ADGRA3: variants seen among roughly 807,000 people sequenced by gnomAD.
ADGRA3 encodes adhesion G protein-coupled receptor A3.
In ADGRA3, 56 loss-of-function variants were observed where a neutral mutation model predicts 119.8. The observed-to-expected ratio is 0.47, with a 90% confidence interval of 0.38 to 0.58. The LOEUF (loss-of-function observed/expected upper bound fraction) is 0.58, where lower values mean the gene tolerates loss of function less well. ADGRA3 is among the 20% of genes least tolerant of loss of function. ADGRA3 has a pLI of 0.00. For missense variants in ADGRA3, 1,516 were observed against 1,649.0 expected (o/e 0.92, Z 1.40); for synonymous variants, 607 against 623.8 (o/e 0.97, Z 0.40).
chr4:22,431,364 C>T (rs971403295), intron 10 of ADGRA3, among the ~76,000 whole-genome samples: 1 of 90,888 alleles, frequency 1.1e-5, no homozygotes, highest in Non-Finnish European at 2.6e-5. Context: ...CCTGTGAAAG[C>T]ACCTGGGAGG....
intron 16 of ADGRA3, among the ~76,000 whole-genome samples, chr4:22,396,014 G>C (rs544237017): frequency 1.3e-5 from 2 of 152,076 alleles, no homozygotes; most frequent in African/African-American, 2.4e-5. Flanking sequence ...GGAGCAACAA[G>C]GTATCTTAGA....
chr4:22,432,704 C>A (rs2109055617), intron 10 of ADGRA3, among the ~76,000 whole-genome samples: 1 of 152,196 alleles, frequency 6.6e-6, no homozygotes, highest in East Asian at 1.9e-4. Context: ...TGTTGCCTGA[C>A]AAGACAACCT....
rs1477032076 is a variant in ADGRA3 at position 22,497,394 on chromosome 4, C to A, written c.257+18134G>T. ...TCTCTGTTTCTGACATGACACCCTGCAGGTTCACCTGGTACTCAGAAATTC... is the reference window on the plus strand; with the variant it reads ...TCTCTGTTTCTGACATGACACCCTGAAGGTTCACCTGGTACTCAGAAATTC... On this transcript the variant is annotated intron_variant, in intron 1 of 18. Coordinates refer to ENST00000334304, the MANE Select transcript of ADGRA3 (RefSeq NM_145290.4). Among the ~76,000 whole-genome samples, 4 of 152,060 alleles carry A rather than the reference C, an allele frequency of 2.6e-5. No homozygotes were observed. In the East Asian group the frequency reaches 7.7e-4, roughly 29 times the overall value.
chr4:22,405,546 T>TA (rs371969552), intron 14 of ADGRA3, among the ~76,000 whole-genome samples: 13,423 of 125,324 alleles, frequency 0.11, 920 homozygotes, highest in African/African-American at 0.23. Context: ...CCCCTATTTC[T>TA]AAAAAAAAAA....
intron 12 of ADGRA3, chr4:22,420,564 CAAAT>C (rs1341049342): frequency 1.3e-5 from 5 of 399,272 alleles, no homozygotes; most frequent in Non-Finnish European, 2.2e-5. Context: ...AGCAAAAAAA[CAAAT>C]AAATAAACTT....
At chr4:22,402,918 A>C (rs2109009110) in intron 14 of ADGRA3, 119 bp from the exon 15 acceptor site, 1 of 927,028 alleles carries the variant, frequency 1.1e-6, no homozygotes, top group South Asian at 1.8e-5. Context: ...ATGTCTCTTT[A>C]TTTTATTCAG....
Position 22,413,585 on chromosome 4 carries a change from T to C in ADGRA3, c.2023+16A>G. ...ATTGTCCACTGACTACAGGATAACA[T>C]ATGCCACATACAAACCTATTTTGGT... On this transcript the variant is annotated intron_variant, in intron 13 of 18. Coordinates refer to ENST00000334304, the MANE Select transcript of ADGRA3 (RefSeq NM_145290.4). 7.5e-6 allele frequency: 12 copies of C among 1,604,628 alleles called. No homozygotes were observed. The highest frequency in any genetic ancestry group is 1.0e-5 in the Non-Finnish European group (12 of 1,171,534).
intron 6 of ADGRA3, chr4:22,443,064 C>G (rs1364431695): frequency 2.9e-6 from 2 of 683,780 alleles, no homozygotes; most frequent in Non-Finnish European, 5.3e-6. Flanking sequence ...GAAACAATTT[C>G]ATAACCAGTT....
chr4:22,515,643 GC>G lies in ADGRA3; in HGVS notation c.141del (p.Arg48GlyfsTer39). On this transcript the variant is annotated frameshift_variant, in exon 1 of 19. Transcript: ENST00000334304. LOFTEE classifies it high-confidence loss of function. ...AALPAGCKHD[G>X]RPRGAGRAAG... The stretch of plus-strand genomic sequence containing the variant: ...GCCGCCCTGCCAGCCCCTCGGGGCC[GC>G]CCATCGTGCTTGCAGCCGGCGGGCA... The G allele has an allele frequency of 7.1e-7, 1 of 1,405,942 alleles. No individual in the cohort carries two copies. Among genetic ancestry groups the G allele is most frequent in the South Asian group, 1.6e-5 (1 of 62,448 alleles). 87.1% of individuals were successfully genotyped at this position (1,405,942 alleles called of 1,614,324 possible).
intron 16 of ADGRA3, chr4:22,393,549 G>A (rs1007025710): frequency 2.0e-5 from 3 of 152,020 alleles, no homozygotes; most frequent in African/African-American, 7.2e-5. Flanking sequence ...TTTTAAACTG[G>A]TATTCACCTC....
chr4:22,451,221 T>C (rs1325262459), intron 4 of ADGRA3, among the ~76,000 whole-genome samples: 1 of 151,970 alleles, frequency 6.6e-6, no homozygotes, highest in Non-Finnish European at 1.5e-5. Context: ...GATAGGGAAA[T>C]ATTAAAGGTA....
intron 5 of ADGRA3, among the ~76,000 whole-genome samples, chr4:22,445,400 C>T (rs931790095): frequency 4.6e-5 from 7 of 152,192 alleles, no homozygotes; most frequent in African/African-American, 1.7e-4. Flanking sequence ...TATCCCTCTT[C>T]TATGCAACAA....
In ADGRA3 at chr4:22,461,745, T is replaced by C. The variant is rs768923380; in HGVS notation, c.393A>G (p.Leu131=). The change falls in exon 3 of 19, where the codon CTA becomes CTG. Residue 131 remains leucine (L), a synonymous_variant. Transcript: ENST00000334304. ...DPGAFWGLSS[L]KRLDLTNNRI... is the part of the protein sequence containing the mutation. ...GCAATTCAAACACTTACAATCTTTT[T>C]AGAGATGACAGTCCCCAGAAGGCAC... 4 of 1,602,866 alleles carry C rather than the reference T, an allele frequency of 2.5e-6. No individual in the cohort carries two copies. The highest frequency in any genetic ancestry group is 2.2e-5 in the South Asian group (2 of 89,652).
chr4:22,403,215 C>T (rs1481277078), intron 14 of ADGRA3, among the ~76,000 whole-genome samples: 1 of 151,916 alleles, frequency 6.6e-6, no homozygotes, highest in Admixed American at 6.6e-5. Context: ...CTACAAAGCC[C>T]AAAGACACCT....
chr4:22,448,422 A>G (rs1370760201), intron 4 of ADGRA3, among the ~76,000 whole-genome samples: 1 of 152,198 alleles, frequency 6.6e-6, no homozygotes, highest in Non-Finnish European at 1.5e-5. Context: ...TATGGTATCA[A>G]GAACAGTCAG....
intron 10 of ADGRA3, among the ~76,000 whole-genome samples, chr4:22,426,985 T>C (rs1263401220): frequency 1.4e-4 from 22 of 152,316 alleles, no homozygotes; most frequent in Admixed American, 1.4e-3. Flanking sequence ...AATCTGTCAA[T>C]CAGCCGTTTA....
intron 1 of ADGRA3, among the ~76,000 whole-genome samples, chr4:22,507,122 C>T (rs1382065092): frequency 2.6e-5 from 4 of 151,910 alleles, no homozygotes; most frequent in Non-Finnish European, 4.4e-5. Context: ...TGACTGTAGT[C>T]CCAGCTACTC....
intron 14 of ADGRA3, among the ~76,000 whole-genome samples, chr4:22,412,639 C>T (rs565837213): frequency 9.2e-5 from 14 of 152,194 alleles, no homozygotes; most frequent in East Asian, 5.8e-4. Flanking sequence ...GTGTTAACAA[C>T]GGCAAATAAC....
At chr4:22,405,795 C>T (rs977005411) in intron 14 of ADGRA3, among the ~76,000 whole-genome samples, 9 of 152,116 alleles carry the variant, frequency 5.9e-5, no homozygotes, top group South Asian at 4.1e-4. Flanking sequence ...TATTTTGATC[C>T]GTACATATAA....
Sources: allele counts gnomAD v4.1 joint callset (sites outside exome capture counted in the v4.1 genomes callset), GRCh38; gene constraint gnomAD v4.1.1; transcripts MANE v1.5; gene names NCBI Gene and HGNC (gene_info 2026-07-23, HGNC 2026-07-21).